The following TUBA1B variants were observed in gnomAD, a reference collection of about 807,000 sequenced individuals.
TUBA1B encodes tubulin alpha 1b.
TUBA1B carries 1 observed loss-of-function variant against 34.4 expected under a neutral mutation model. That is an observed-to-expected ratio of 0.03 (90% CI 0.01 to 0.14). TUBA1B has a LOEUF of 0.14. Ranked by LOEUF, TUBA1B falls within the 10% of genes least tolerant of loss-of-function variation. The probability of loss-of-function intolerance (pLI) is 1.00; values close to 1 mark genes in which losing one functional copy is unlikely to be tolerated. For missense variants in TUBA1B, 54 were observed against 583.6 expected, an observed-to-expected ratio of 0.09 and a Z score of 9.35; for synonymous variants, 197 against 212.5, an observed-to-expected ratio of 0.93 and a Z score of 0.64.
chr12:49,130,275 C>T (rs1482595048), intron 1 of TUBA1B: 1 of 1,289,242 alleles, frequency 7.8e-7, no homozygotes, highest in African/African-American at 1.5e-5. Context: ...CGGGCAGCTC[C>T]TAGCACAGGA....
rs962915613 is a variant in TUBA1B at position 49,131,207 on chromosome 12, C to G, written c.3+91G>C. 6 of 1,509,782 alleles carry G rather than the reference C, an allele frequency of 4.0e-6. No homozygotes were observed. In the South Asian group the frequency reaches 7.2e-5, roughly 18 times the overall value. 93.5% of individuals were successfully genotyped at this position (1,509,782 alleles called of 1,614,324 possible). A position where few individuals can be genotyped will look rare whatever the true frequency, so the allele number is the denominator to read the frequency against. On this transcript the variant is annotated intron_variant, in intron 1 of 3. Transcript: ENST00000336023. Reference sequence around the variant, plus strand: ...CCAAACGGACGGCTCTGAGGCCAGCCCTTCCCGGCTGTATACAGGGCCCCA... The same window carrying G: ...CCAAACGGACGGCTCTGAGGCCAGCGCTTCCCGGCTGTATACAGGGCCCCA...
chr12:49,129,757 C>T, intron 1 of TUBA1B, 35 bp from the exon 2 acceptor site: 4 of 1,613,500 alleles, frequency 2.5e-6, no homozygotes, highest in Non-Finnish European at 3.4e-6. Context: ...CAATTTAAAC[C>T]AATCTATTGA....
intron 1 of TUBA1B, chr12:49,129,954 A>C: frequency 9.7e-7 from 1 of 1,032,536 alleles, no homozygotes; most frequent in Non-Finnish European, 1.4e-6. Flanking sequence ...TAATTTTTTC[A>C]TTTTTTTTGT....
intron 1 of TUBA1B, chr12:49,130,419 T>C: frequency 8.2e-7 from 1 of 1,217,786 alleles, no homozygotes; most frequent in South Asian, 1.3e-5. Context: ...AGGCACGAAA[T>C]GGCCACGTCT....
intron 1 of TUBA1B, chr12:49,130,594 C>A (rs1329390127): frequency 5.7e-6 from 2 of 348,054 alleles, no homozygotes; most frequent in African/African-American, 4.3e-5. Flanking sequence ...ACCACCTGCT[C>A]CCCTGAATTC....
At chr12:49,130,384 C>G in intron 1 of TUBA1B, 1 of 1,287,034 alleles carries the variant, frequency 7.8e-7, no homozygotes, top group Non-Finnish European at 1.0e-6. Context: ...GGCGCGCGCT[C>G]TTGCGCCCCC....
In TUBA1B at chr12:49,129,540, C is replaced by A; in HGVS notation, c.186G>T (p.Val62=). 1 of 1,614,196 alleles carries A rather than the reference C, an allele frequency of 6.2e-7. No individual in the cohort carries two copies. Residue 62 remains valine, a synonymous_variant, in exon 2 of 4, where the codon GTG becomes GTT. Coordinates refer to ENST00000336023, the MANE Select transcript of TUBA1B (RefSeq NM_006082.3). ...FFSETGAGKH[V]PRAVFVDLEP... ...CCAAGTCTACAAACACAGCCCGGGG[C>A]ACGTGCTTGCCAGCGCCCGTCTCAC...
chr12:49,129,757 C>G, intron 1 of TUBA1B, 35 bp from the exon 2 acceptor site: 1 of 1,613,500 alleles, frequency 6.2e-7, no homozygotes, highest in Admixed American at 1.7e-5. Context: ...CAATTTAAAC[C>G]AATCTATTGA....
At position 49,127,842 on chromosome 12, in the gene TUBA1B, AAAGACATGATCACC is replaced by A; in HGVS notation, c.*102_*115del. ...GAAAAATATTACAGGTACACATGGA[AAAGACATGATCACC>A]AAGTGAAAACAATCTAACCAGAAAG... On this transcript the variant is annotated 3_prime_UTR_variant, in exon 4 of 4. Transcript: ENST00000336023. 6.7e-7 allele frequency: 1 copy of A among 1,482,776 alleles called. No homozygotes were observed. Among genetic ancestry groups the A allele is most frequent in the South Asian group, 1.2e-5 (1 of 80,366 alleles). 91.9% of individuals were successfully genotyped at this position (1,482,776 alleles called of 1,614,324 possible).
In TUBA1B at chr12:49,127,908, G is replaced by A. The variant is rs1384042471; in HGVS notation, c.*50C>T. On this transcript the variant is annotated 3_prime_UTR_variant, in exon 4 of 4. Transcript: ENST00000336023. Reference sequence around the variant, plus strand: ...TTTAACGTCTGTCAGTTAAGCTGAAGCTGAAATTCTGGGAGCATGACATGC... The same window carrying A: ...TTTAACGTCTGTCAGTTAAGCTGAAACTGAAATTCTGGGAGCATGACATGC... 1 of 1,613,344 alleles carries A rather than the reference G, an allele frequency of 6.2e-7. No individual in the cohort carries two copies. Among genetic ancestry groups the A allele is most frequent in the Non-Finnish European group, 8.5e-7 (1 of 1,179,512 alleles).
chr12:49,129,392 TGGA>T lies in TUBA1B; in HGVS notation c.227-5_227-3del, dbSNP rs763633960. On this transcript the variant is annotated splice_polypyrimidine_tract_variant and splice_region_variant and intron_variant, in intron 2 of 3. Transcript: ENST00000336023. ...GGTAGGTGCCAGTGCGAACTTCATCTGGAGGAGGGAGAGAAGGACGGAGGGAGT... is the reference window on the plus strand; with the variant it reads ...GGTAGGTGCCAGTGCGAACTTCATCTGGAGGGAGAGAAGGACGGAGGGAGT... 6 of 1,614,186 alleles carry T rather than the reference TGGA, an allele frequency of 3.7e-6. No homozygotes were observed. In the South Asian group the frequency reaches 6.6e-5, roughly 18 times the overall value.
At position 49,128,270 on chromosome 12, in the gene TUBA1B, G is replaced by A. The variant is rs770298016; in HGVS notation, c.1044C>T (p.Pro348=). ...AGTTGATGCCAACCTTGAAGCCAGT[G>A]GGGCACCAATCCACAAACTGGATGC... ...KRSIQFVDWC[P]TGFKVGINYQ... Residue 348 remains proline (P), a synonymous_variant, in exon 4 of 4, where the codon CCC becomes CCT. Coordinates refer to ENST00000336023, the MANE Select transcript of TUBA1B (RefSeq NM_006082.3). This position sits in a 1 kb window ranked among gnomAD's most constrained non-coding sequence, Gnocchi z 8.1. 4 of 1,614,206 alleles carry A rather than the reference G, an allele frequency of 2.5e-6. No individual in the cohort carries two copies. In the Admixed American group the frequency reaches 5.0e-5, roughly 20 times the overall value.
intron 3 of TUBA1B, 38 bp downstream of exon 3, chr12:49,129,204 C>T: frequency 6.2e-7 from 1 of 1,612,680 alleles, no homozygotes; most frequent in Non-Finnish European, 8.5e-7. Context: ...CTGGAACTAT[C>T]ACACCACATT....
chr12:49,129,147 G>A (rs1036897084), intron 3 of TUBA1B, 95 bp downstream of exon 3: 63 of 1,603,756 alleles, frequency 3.9e-5, no homozygotes, highest in Non-Finnish European at 5.0e-5. Context: ...CCACATTTTG[G>A]TAGGTGCCAA....
chr12:49,130,163 C>G lies in TUBA1B; in HGVS notation c.4-441G>C, dbSNP rs927946610. The G allele has an allele frequency of 1.5e-5, 19 of 1,228,466 alleles. No individual in the cohort carries two copies. The African/African-American group carries it at 2.7e-4, about 17-fold the overall frequency. The allele number at this position is 1,228,466 out of a possible 1,614,324, so 76.1% of individuals were successfully genotyped here. The stretch of plus-strand genomic sequence containing the variant: ...AAGGCCTCCTTCCAGACCAAGACAG[C>G]TCAGTCACAGCTTCCTCCTTTGGAG... On this transcript the variant is annotated intron_variant, in intron 1 of 3. Coordinates refer to ENST00000336023, the MANE Select transcript of TUBA1B (RefSeq NM_006082.3).
chr12:49,130,909 A>C, intron 1 of TUBA1B: 2 of 177,222 alleles, frequency 1.1e-5, no homozygotes, highest in Non-Finnish European at 2.4e-5. Context: ...CTCAAGAGGA[A>C]GTGAGGGCTG....
At position 49,131,191 on chromosome 12, in the gene TUBA1B, C is replaced by T. The variant is rs1592247018; in HGVS notation, c.3+107G>A. 2.8e-6 allele frequency: 4 copies of T among 1,410,856 alleles called. No homozygotes were observed. The East Asian group carries it at 1.0e-4, about 36-fold the overall frequency. The allele number at this position is 1,410,856 out of a possible 1,614,324, so 87.4% of individuals were successfully genotyped here. A position where few individuals can be genotyped will look rare whatever the true frequency, so the allele number is the denominator to read the frequency against. On this transcript the variant is annotated intron_variant, in intron 1 of 3. Coordinates refer to ENST00000336023, the MANE Select transcript of TUBA1B (RefSeq NM_006082.3). ...CCTCGTTTTCCGCCCTCCAAACGGACGGCTCTGAGGCCAGCCCTTCCCGGC... is the reference window on the plus strand; with the variant it reads ...CCTCGTTTTCCGCCCTCCAAACGGATGGCTCTGAGGCCAGCCCTTCCCGGC...
chr12:49,129,187 A>T (rs558154114), intron 3 of TUBA1B, 55 bp downstream of exon 3: 1 of 1,612,010 alleles, frequency 6.2e-7, no homozygotes, highest in African/African-American at 1.3e-5. Flanking sequence ...ACTCCACCCA[A>T]CTTGCACTGG....
intron 1 of TUBA1B, 40 bp downstream of exon 1, chr12:49,131,258 G>T (rs765766727): frequency 3.4e-5 from 54 of 1,598,366 alleles, no homozygotes; most frequent in Non-Finnish European, 4.4e-5. Context: ...GCTTTTCCCT[G>T]CTTCCCTGAA....
Sources: gnomAD v4.1 joint callset for allele counts on GRCh38, gnomAD v4.1.1 for gene constraint, Gnocchi (gnomAD v3.1) non-coding constraint, MANE v1.5 for transcripts, NCBI Gene and HGNC (gene_info 2026-07-23, HGNC 2026-07-21) for gene names.